AKAP9: variants seen among roughly 807,000 people sequenced by gnomAD.
AKAP9 encodes A-kinase anchoring protein 9, also known as A-kinase anchor protein 9.
A neutral mutation model predicts 488.5 loss-of-function variants in AKAP9; 311 were observed. That is an observed-to-expected ratio of 0.64 (90% CI 0.58 to 0.70). AKAP9 has a LOEUF of 0.70. Among genes scored for constraint, AKAP9 ranks in the 30% least tolerant of loss-of-function variants. AKAP9 has a pLI of 0.00. For missense variants in AKAP9, 4,215 were observed against 4,374.5 expected, an observed-to-expected ratio of 0.96 and a Z score of 1.03; for synonymous variants, 1,462 against 1,483.5, an observed-to-expected ratio of 0.99 and a Z score of 0.33.
intron 3 of AKAP9, among the ~76,000 whole-genome samples, chr7:91,991,313 T>A (rs1489133779): frequency 3.0e-5 from 4 of 134,912 alleles, no homozygotes; most frequent in Admixed American, 7.3e-5. Flanking sequence ...ATTAAAAAAA[T>A]TTTTTAGAGA....
chr7:92,022,499 A>G, intron 13 of AKAP9, 147 bp downstream of exon 13: 1 of 664,286 alleles, frequency 1.5e-6, no homozygotes, highest in Admixed American at 2.5e-5. Flanking sequence ...CCTTAAAATG[A>G]AAGATTTGGA....
intron 23 of AKAP9, 43 bp from the exon 24 acceptor site, chr7:92,062,231 G>T: frequency 1.9e-6 from 3 of 1,540,632 alleles, no homozygotes; most frequent in Non-Finnish European, 2.7e-6. Flanking sequence ...GGTTGAATTT[G>T]AAATGAATAA....
At chr7:92,050,711 G>A (rs892579978) in intron 21 of AKAP9, among the ~76,000 whole-genome samples, 7 of 152,036 alleles carry the variant, frequency 4.6e-5, no homozygotes, top group Admixed American at 4.6e-4. Context: ...CTACTTCCAA[G>A]GTTTCAACTC....
intron 43 of AKAP9, among the ~76,000 whole-genome samples, chr7:92,098,781 T>C (rs1188775752): frequency 6.6e-6 from 1 of 152,198 alleles, no homozygotes; most frequent in Non-Finnish European, 1.5e-5. Context: ...CTCACTAGAC[T>C]TATTTATTAA....
At chr7:91,941,882 T>TTTTGTGTG (rs140762728) in intron 1 of AKAP9, among the ~76,000 whole-genome samples, 12 of 147,726 alleles carry the variant, frequency 8.1e-5, no homozygotes, top group African/African-American at 2.5e-4. Flanking sequence ...CGAATCCTGG[T>TTTTGTGTG]TGTGTGTGTG....
chr7:92,100,832 G>T lies in AKAP9; in HGVS notation c.10897-24G>T, dbSNP rs191938651. 60 of 1,613,598 alleles carry T rather than the reference G, an allele frequency of 3.7e-5. No individual in the cohort carries two copies. The Admixed American group carries it at 6.3e-4, about 17-fold the overall frequency. On this transcript the variant is annotated intron_variant, in intron 44 of 49. Coordinates refer to ENST00000356239, the MANE Select transcript of AKAP9 (RefSeq NM_005751.5). ...CTCAGACTTTTCTTCAGAGACTTGT[G>T]TAAGTAGGCTGTGGTCTTTGCAGTC...
At chr7:92,105,205 C>T (rs573369573) in intron 46 of AKAP9, among the ~76,000 whole-genome samples, 2 of 152,146 alleles carry the variant, frequency 1.3e-5, no homozygotes, top group South Asian at 2.1e-4. Flanking sequence ...TTGAAACCAA[C>T]GTTTTTTTGT....
intron 21 of AKAP9, among the ~76,000 whole-genome samples, chr7:92,048,528 G>T (rs1807387549): frequency 6.6e-6 from 1 of 152,180 alleles, no homozygotes; most frequent in African/African-American, 2.4e-5. Context: ...TGATTCAGTG[G>T]TTTTATGCTC....
intron 1 of AKAP9, among the ~76,000 whole-genome samples, chr7:91,962,905 A>G: frequency 6.6e-6 from 1 of 152,306 alleles, no homozygotes; most frequent in East Asian, 1.9e-4. Context: ...AATATTAAAT[A>G]TAAATTATGT....
intron 16 of AKAP9, among the ~76,000 whole-genome samples, chr7:92,034,179 G>A (rs1193331198): frequency 6.6e-6 from 1 of 152,142 alleles, no homozygotes; most frequent in Non-Finnish European, 1.5e-5. Context: ...GGAAAGTCAA[G>A]AGAGCAAGAG....
chr7:92,091,585 C>CAAAAAAAAAAAAAA (rs796606265), intron 38 of AKAP9, among the ~76,000 whole-genome samples: 1 of 22,084 alleles, frequency 4.5e-5, no homozygotes, highest in Non-Finnish European at 1.2e-4. Flanking sequence ...GACTCTGTCT[C>CAAAAAAAAAAAAAA]AAAAAAAAAA....
chr7:92,070,037 A>T lies in AKAP9; in HGVS notation c.6338A>T (p.Gln2113Leu). 6.2e-7 allele frequency: 1 copy of T among 1,612,532 alleles called. No homozygotes were observed. Among genetic ancestry groups the T allele is most frequent in the South Asian group, 1.1e-5 (1 of 90,652 alleles). The change falls in exon 27 of 50, where the codon CAG (glutamine) becomes CTG (leucine). Residue 2113 changes from glutamine to leucine, a missense_variant. This residue lies in a region of AKAP9 where 2,361 missense variants were observed against 2,430.0 expected (regional missense o/e 0.97). Coordinates refer to ENST00000356239, the MANE Select transcript of AKAP9 (RefSeq NM_005751.5). ...TTGCCTCTTATATTTCAGGTTGAACAGTTAGCAAATCATCTGAAAGAAAAA... is the reference window on the plus strand; with the variant it reads ...TTGCCTCTTATATTTCAGGTTGAACTGTTAGCAAATCATCTGAAAGAAAAA... ...ISEHQTREVE[Q>L]LANHLKEKTD...
Position 92,082,579 on chromosome 7 carries a change from G to C in AKAP9, c.8077G>C (p.Ala2693Pro). ...EESGFFNELE[A>P]LRAESVATKA... ...AAGTGGATTTTTTAATGAACTCGAG[G>C]CTCTTAGAGCTGAATCAGTGGCTAC... is the stretch of plus-strand genomic sequence containing the variant. Residue 2693 changes from alanine to proline, a missense_variant, in exon 32 of 50, where the codon GCT becomes CCT. Ala to Pro is a conservative substitution (Grantham distance 27). Around this residue, in one of 5 missense-constraint regions of AKAP9, gnomAD observed 1,476 missense variants for 1,477.4 expected, o/e 1.00. Transcript: ENST00000356239. The C allele has an allele frequency of 6.2e-7, 1 of 1,613,888 alleles. No individual in the cohort carries two copies. The highest frequency in any genetic ancestry group is 8.5e-7 in the Non-Finnish European group (1 of 1,179,908).
intron 38 of AKAP9, 53 bp from the exon 39 acceptor site, chr7:92,093,044 A>G: frequency 6.8e-7 from 1 of 1,467,836 alleles, no homozygotes; most frequent in Non-Finnish European, 9.5e-7. Context: ...ATATTTATAA[A>G]CCAAATATGA....
At chr7:92,042,855 T>G (rs140173960) in intron 20 of AKAP9, 84 bp downstream of exon 20, 7 of 898,046 alleles carry the variant, frequency 7.8e-6, no homozygotes, top group African/African-American at 1.6e-5. Context: ...ATTTTTATCT[T>G]GTACATTGAT....
At chr7:92,013,818 T>TA (rs1403212800) in intron 9 of AKAP9, among the ~76,000 whole-genome samples, 2 of 151,776 alleles carry the variant, frequency 1.3e-5, no homozygotes, top group African/African-American at 4.8e-5. Flanking sequence ...AACTAGAGGC[T>TA]AATGAATAGG....
chr7:92,006,754 C>A (rs79341077), intron 8 of AKAP9, among the ~76,000 whole-genome samples: 8,713 of 152,172 alleles, frequency 0.057, 325 homozygotes, highest in Non-Finnish European at 0.085. Context: ...TCATAGAAGT[C>A]TTTTCAGTGT....
At chr7:92,056,236 T>C (rs1325960696) in intron 22 of AKAP9, among the ~76,000 whole-genome samples, 1 of 152,010 alleles carries the variant, frequency 6.6e-6, no homozygotes, top group African/African-American at 2.4e-5. Context: ...GTTAACTGTT[T>C]ATAAAGGGTT....
chr7:92,088,402 G>A (rs1814971633), intron 37 of AKAP9, among the ~76,000 whole-genome samples: 1 of 152,136 alleles, frequency 6.6e-6, no homozygotes, highest in South Asian at 2.1e-4. Context: ...TAGATTGCTG[G>A]TAGCAATGTG....
Sources: allele counts gnomAD v4.1 joint callset (sites outside exome capture counted in the v4.1 genomes callset), GRCh38; gene constraint gnomAD v4.1.1; regional missense constraint gnomAD v4.1.1; transcripts MANE v1.5; gene names NCBI Gene and HGNC (gene_info 2026-07-23, HGNC 2026-07-21).